RFX1: variants seen among roughly 807,000 people sequenced by gnomAD.
The protein encoded by RFX1 is MHC class II regulatory factor RFX1.
A neutral mutation model predicts 119.6 loss-of-function variants in RFX1; 42 were observed. That is an observed-to-expected ratio of 0.35 (90% confidence interval 0.27 to 0.45). The LOEUF (loss-of-function observed/expected upper bound fraction) is 0.45, where lower values mean the gene tolerates loss of function less well. Among genes scored for constraint, RFX1 ranks in the 20% least tolerant of loss-of-function variants. The probability of loss-of-function intolerance (pLI) is 1.00; values close to 1 mark genes in which losing one functional copy is unlikely to be tolerated. For missense variants in RFX1, 1,118 were observed against 1,368.1 expected (o/e 0.82, Z 2.88); for synonymous variants, 628 against 618.5 (o/e 1.02, Z -0.23).
Position 13,993,699 on chromosome 19 carries a change from T to C in RFX1, c.145A>G (p.Thr49Ala), listed in dbSNP as rs780108403. 1 of 1,185,734 alleles carries C rather than the reference T, an allele frequency of 8.4e-7. No individual in the cohort carries two copies. The highest frequency in any genetic ancestry group is 1.1e-6 in the Non-Finnish European group (1 of 929,704). The allele number at this position is 1,185,734 out of a possible 1,614,324, so 73.5% of individuals were successfully genotyped here. Residue 49 changes from threonine to alanine, a missense_variant, in exon 2 of 21, where the codon ACC becomes GCC. Thr to Ala is a moderately conservative substitution (Grantham distance 58). This residue lies in a region of RFX1 where 542 missense variants were observed against 602.7 expected (regional missense o/e 0.90). Transcript: ENST00000254325. ...TCGGTGACATATTGGGGCTGAGGGGTGGCAGCAGCGGTGGGTGGCTGCGGG... is the reference window on the plus strand; with the variant it reads ...TCGGTGACATATTGGGGCTGAGGGGCGGCAGCAGCGGTGGGTGGCTGCGGG... The part of the protein sequence containing the change: ...QPPQPPTAAA[T>A]PQPQYVTELQ...
At chr19:13,997,039 A>C (rs935377572) in intron 1 of RFX1, among the ~76,000 whole-genome samples, 30 of 151,436 alleles carry the variant, frequency 2.0e-4, no homozygotes, top group African/African-American at 7.4e-4. Flanking sequence ...TTGCTTCTTA[A>C]AGTAAGTACA....
At chr19:14,001,863 C>T (rs572863995) in intron 1 of RFX1, among the ~76,000 whole-genome samples, 163 of 152,216 alleles carry the variant, frequency 1.1e-3, no homozygotes, top group African/African-American at 3.1e-3. Context: ...TAGGCTGCTG[C>T]GGTGGCTCAC....
At chr19:13,976,047 C>A (rs1447303446) in intron 8 of RFX1, among the ~76,000 whole-genome samples, 1 of 152,228 alleles carries the variant, frequency 6.6e-6, no homozygotes, top group Non-Finnish European at 1.5e-5. Flanking sequence ...CAGCAGGAAC[C>A]CTTGGACACC....
intron 1 of RFX1, among the ~76,000 whole-genome samples, chr19:14,001,772 G>A (rs867116622): frequency 7.2e-5 from 11 of 152,258 alleles, no homozygotes; most frequent in Middle Eastern, 3.4e-3. Flanking sequence ...AGGCTGAGGC[G>A]GGCAGATCGC....
At chr19:13,963,069 G>A in intron 19 of RFX1, 30 bp from the exon 20 acceptor site, 1 of 1,593,180 alleles carries the variant, frequency 6.3e-7, no homozygotes, top group Non-Finnish European at 8.6e-7. Context: ...AAATGGGTGA[G>A]GGTCCCGCCG....
In RFX1 at chr19:13,969,716, C is replaced by A; in HGVS notation, c.1496+278G>T. The A allele has an allele frequency of 2.6e-6, 1 of 381,944 alleles. No homozygotes were observed. The highest frequency in any genetic ancestry group is 4.7e-6 in the Non-Finnish European group (1 of 213,660). The allele number at this position is 381,944 out of a possible 1,614,324, so 23.7% of individuals were successfully genotyped here. A position where few individuals can be genotyped will look rare whatever the true frequency, so the allele number is the denominator to read the frequency against. ...CTGAATGCTAAAGAGAAAAATAAAG[C>A]AGGGTTGGGGGGTGTCGGGCAGGGG... On this transcript the variant is annotated intron_variant, in intron 10 of 20. Coordinates refer to ENST00000254325, the MANE Select transcript of RFX1 (RefSeq NM_002918.5). This position sits in a 1 kb window ranked among gnomAD's most constrained non-coding sequence, Gnocchi z 4.5.
At position 13,986,240 on chromosome 19, in the gene RFX1, C is replaced by T. The variant is rs1483732089; in HGVS notation, c.320-2645G>A. Among the ~76,000 whole-genome samples, 1 of 152,044 alleles carries T rather than the reference C, an allele frequency of 6.6e-6. No individual in the cohort carries two copies. Among genetic ancestry groups the T allele is most frequent in the Non-Finnish European group, 1.5e-5 (1 of 67,976 alleles). ...GGGCAGGGAGTGGGGGGCTGGCCCC[C>T]CACCCTCTCCAGGGCTCAGGGGCTG... On this transcript the variant is annotated intron_variant, in intron 2 of 20. Transcript: ENST00000254325. The surrounding 1 kb of genome is among the most constrained non-coding windows in gnomAD (Gnocchi z 4.2).
Position 13,963,248 on chromosome 19 carries a change from C to T in RFX1, c.2598G>A (p.Leu866=). ...AGGAACCGAAGCTGGCGGCGCTGCG[C>T]AGGGTCAGGTCCCGGATCACCATGG... ...YSSMVIRDLT[L]RSAASFGSFH... is the part of the protein sequence containing the mutation. The change falls in exon 19 of 21, where the codon CTG becomes CTA. Residue 866 remains leucine, a synonymous_variant. Coordinates refer to ENST00000254325, the MANE Select transcript of RFX1 (RefSeq NM_002918.5). 6.2e-7 allele frequency: 1 copy of T among 1,611,764 alleles called. No individual in the cohort carries two copies. Among genetic ancestry groups the T allele is most frequent in the Non-Finnish European group, 8.5e-7 (1 of 1,179,430 alleles).
At chr19:13,997,775 C>A (rs896307796) in intron 1 of RFX1, among the ~76,000 whole-genome samples, 1 of 152,144 alleles carries the variant, frequency 6.6e-6, no homozygotes, top group South Asian at 2.1e-4. Flanking sequence ...TGGAGGCAGG[C>A]AGGATGAGAA....
intron 5 of RFX1, among the ~76,000 whole-genome samples, chr19:13,981,294 G>C (rs1267515898): frequency 6.6e-6 from 1 of 152,206 alleles, no homozygotes; most frequent in Non-Finnish European, 1.5e-5. Context: ...AGAAAACTCA[G>C]GGCTCAGAAG....
rs906358475 is a variant in RFX1 at position 13,985,857 on chromosome 19, G to A, written c.320-2262C>T. Among the ~76,000 whole-genome samples the A allele has an allele frequency of 6.6e-6, 1 of 152,208 alleles. No individual in the cohort carries two copies. Among genetic ancestry groups the A allele is most frequent in the Non-Finnish European group, 1.5e-5 (1 of 68,034 alleles). ...GCAAAGGCCAAGTCAAGGGCAGAGC[G>A]CAGGAGTGTGTGTTGGGGGCGGGGG... On this transcript the variant is annotated intron_variant, in intron 2 of 20. Coordinates refer to ENST00000254325, the MANE Select transcript of RFX1 (RefSeq NM_002918.5). The surrounding 1 kb of genome is among the most constrained non-coding windows in gnomAD (Gnocchi z 4.3).
In RFX1 at chr19:13,980,602, C is replaced by T. The variant is rs762098757; in HGVS notation, c.709G>A (p.Val237Ile). 53 of 1,576,706 alleles carry T rather than the reference C, an allele frequency of 3.4e-5. No individual in the cohort carries two copies. The highest frequency in any genetic ancestry group is 1.3e-4 in the South Asian group (11 of 87,352). ...TGGGTGACGGGGACACTCTGCTGGACGCCGTGGACCTGCAGCTGCTGTGGC... is the reference window on the plus strand; with the variant it reads ...TGGGTGACGGGGACACTCTGCTGGATGCCGTGGACCTGCAGCTGCTGTGGC... ...TVPQQLQVHG[V>I]QQSVPVTQER... The change falls in exon 6 of 21, where the codon GTC (valine) becomes ATC (isoleucine). Residue 237 changes from valine (V) to isoleucine (I), a missense_variant. Physicochemically the swap from Val to Ile is conservative, Grantham distance 29. Transcript: ENST00000254325. This position sits in a 1 kb window ranked among gnomAD's most constrained non-coding sequence, Gnocchi z 5.1.
At chr19:13,991,417 C>T (rs575053276) in intron 2 of RFX1, among the ~76,000 whole-genome samples, 18 of 152,134 alleles carry the variant, frequency 1.2e-4, no homozygotes, top group East Asian at 1.9e-4. Context: ...GACTGCAGCC[C>T]GACCTCAACC....
chr19:13,966,705 G>T lies in RFX1; in HGVS notation c.1779C>A (p.Gly593=), dbSNP rs1399618071. ...LPDFTELDLQ[G]KVLPEGVGPG... ...GCCCGACGCCCTCAGGCAGCACCTT[G>T]CCCTGGAGGTCGAGCTCTGTGAAGT... Residue 593 remains glycine (G), a synonymous_variant, in exon 13 of 21, where the codon GGC becomes GGA. Coordinates refer to ENST00000254325, the MANE Select transcript of RFX1 (RefSeq NM_002918.5). The surrounding 1 kb of genome is among the most constrained non-coding windows in gnomAD (Gnocchi z 6.3). 1 of 1,611,530 alleles carries T rather than the reference G, an allele frequency of 6.2e-7. No homozygotes were observed. Among genetic ancestry groups the T allele is most frequent in the Admixed American group, 1.7e-5 (1 of 59,864 alleles).
intron 2 of RFX1, among the ~76,000 whole-genome samples, chr19:13,983,841 A>G (rs985072272): frequency 6.6e-6 from 1 of 152,134 alleles, no homozygotes; most frequent in Non-Finnish European, 1.5e-5. Context: ...AGCTTTCCTC[A>G]TCCTGAAGTC....
In RFX1 at chr19:13,965,361, G is replaced by A. The variant is rs1423585261; in HGVS notation, c.2211+88C>T. On this transcript the variant is annotated intron_variant, in intron 16 of 20. Coordinates refer to ENST00000254325, the MANE Select transcript of RFX1 (RefSeq NM_002918.5). This position sits in a 1 kb window ranked among gnomAD's most constrained non-coding sequence, Gnocchi z 4.7. ...CAGGCATCATCCCTGGAACAGGCGT[G>A]GGGACAAATTTTACCGCCCCTGGGG... 2 of 1,183,378 alleles carry A rather than the reference G, an allele frequency of 1.7e-6. No individual in the cohort carries two copies. Among genetic ancestry groups the A allele is most frequent in the Non-Finnish European group, 1.2e-6 (1 of 807,852 alleles). The allele number at this position is 1,183,378 out of a possible 1,614,324, so 73.3% of individuals were successfully genotyped here.
intron 9 of RFX1, among the ~76,000 whole-genome samples, chr19:13,971,257 C>G (rs533381897): frequency 4.1e-4 from 62 of 151,822 alleles, no homozygotes; most frequent in African/African-American, 1.0e-3. Context: ...TTGCTTGAAC[C>G]TGGGAGGTGG....
intron 1 of RFX1, among the ~76,000 whole-genome samples, chr19:14,000,921 C>G (rs1975194994): frequency 6.6e-6 from 1 of 152,052 alleles, no homozygotes; most frequent in Admixed American, 6.6e-5. Context: ...ATAGCCGAGA[C>G]TCCATCTCGA....
intron 4 of RFX1, 120 bp from the exon 5 acceptor site, chr19:13,982,348 C>T (rs1453272614): frequency 8.6e-6 from 4 of 466,426 alleles, no homozygotes; most frequent in East Asian, 3.6e-5. Flanking sequence ...CTCACAGAAT[C>T]GCCCTGACAG....
Sources: gnomAD v4.1 joint callset for allele counts (sites outside exome capture counted in the v4.1 genomes callset) on GRCh38, gnomAD v4.1.1 for gene constraint, gnomAD v4.1.1 regional missense constraint, Gnocchi (gnomAD v3.1) non-coding constraint, MANE v1.5 for transcripts, NCBI Gene and HGNC (gene_info 2026-07-23, HGNC 2026-07-21) for gene names.